The following UBAP1 variants were observed in gnomAD, a reference collection of about 807,000 sequenced individuals.
UBAP1 encodes ubiquitin-associated protein 1.
UBAP1 carries 5 observed loss-of-function variants against 39.0 expected under a neutral mutation model. That is an observed-to-expected ratio of 0.13 (90% CI 0.07 to 0.27). UBAP1 has a LOEUF of 0.27. Ranked by LOEUF, UBAP1 falls within the 10% of genes least tolerant of loss-of-function variation. UBAP1 has a pLI of 1.00. For missense variants in UBAP1, 490 were observed against 608.1 expected (o/e 0.81, Z 2.04); for synonymous variants, 211 against 225.1 (o/e 0.94, Z 0.56).
intron 1 of UBAP1, among the ~76,000 whole-genome samples, chr9:34,187,061 C>G (rs1304554657): frequency 3.9e-5 from 6 of 152,114 alleles, no homozygotes; most frequent in Non-Finnish European, 8.8e-5. Flanking sequence ...GTGCCTGCCA[C>G]CACGCCCAGC....
intron 1 of UBAP1, among the ~76,000 whole-genome samples, chr9:34,213,164 G>T (rs1832109618): frequency 6.6e-6 from 1 of 152,088 alleles, no homozygotes. Flanking sequence ...TTTATGATTA[G>T]AACTCTCAGC....
chr9:34,252,036 T>C lies in UBAP1; in HGVS notation c.*504T>C, dbSNP rs1834569397. On this transcript the variant is annotated 3_prime_UTR_variant, in exon 7 of 7. Transcript: ENST00000297661. ...TTCCCCTCCTAACAAAGTCTCATAGTGTTAACACTGGTTCTGCAATATCTC... is the reference window on the plus strand; with the variant it reads ...TTCCCCTCCTAACAAAGTCTCATAGCGTTAACACTGGTTCTGCAATATCTC... The C allele has an allele frequency of 6.5e-6, 1 of 153,852 alleles. No homozygotes were observed. The highest frequency in any genetic ancestry group is 2.0e-4 in the South Asian group (1 of 4,916). The allele number at this position is 153,852 out of a possible 1,614,324, so 9.5% of individuals were successfully genotyped here. A position where few individuals can be genotyped will look rare whatever the true frequency, so the allele number is the denominator to read the frequency against.
chr9:34,201,929 CTT>C (rs1444008858), intron 1 of UBAP1, among the ~76,000 whole-genome samples: 1 of 152,062 alleles, frequency 6.6e-6, no homozygotes, highest in African/African-American at 2.4e-5. Flanking sequence ...CAGAGAAACT[CTT>C]TTATGTTTAC....
chr9:34,245,909 C>A (rs1834153727), intron 4 of UBAP1, among the ~76,000 whole-genome samples: 1 of 151,146 alleles, frequency 6.6e-6, no homozygotes, highest in Non-Finnish European at 1.5e-5. Context: ...GTAATCCCAG[C>A]ATTTTGGGAG....
intron 4 of UBAP1, among the ~76,000 whole-genome samples, chr9:34,242,670 A>G (rs1051938097): frequency 6.6e-6 from 1 of 152,046 alleles, no homozygotes; most frequent in Non-Finnish European, 1.5e-5. Context: ...GACTACAGGC[A>G]TATGCCACCA....
intron 1 of UBAP1, among the ~76,000 whole-genome samples, chr9:34,196,046 G>A (rs1831035876): frequency 7.4e-6 from 1 of 135,452 alleles, no homozygotes; most frequent in African/African-American, 2.8e-5. Flanking sequence ...CTCCTGAGTA[G>A]CTGCAACTAC....
At chr9:34,184,285 ATGT>A (rs1425274235) in intron 1 of UBAP1, among the ~76,000 whole-genome samples, 1 of 151,912 alleles carries the variant, frequency 6.6e-6, no homozygotes, top group Non-Finnish European at 1.5e-5. Context: ...GACACTGGGT[ATGT>A]ACTAATGAGC....
At chr9:34,224,157 CT>C in intron 2 of UBAP1, 2 of 640,728 alleles carry the variant, frequency 3.1e-6, no homozygotes, top group African/African-American at 1.9e-5. Flanking sequence ...TTTTTTTTTC[CT>C]TTCATCGATT....
chr9:34,216,207 TA>T (rs547114882), intron 1 of UBAP1, among the ~76,000 whole-genome samples: 4 of 151,134 alleles, frequency 2.6e-5, no homozygotes, highest in East Asian at 1.9e-4. Context: ...TAATTTAATT[TA>T]AAAAAAAACT....
chr9:34,182,476 C>T (rs141055223), intron 1 of UBAP1, among the ~76,000 whole-genome samples: 8 of 151,832 alleles, frequency 5.3e-5, no homozygotes, highest in Non-Finnish European at 1.0e-4. Flanking sequence ...TGAGCCATGG[C>T]GCCCAGATGG....
chr9:34,241,151 G>A, intron 3 of UBAP1, 34 bp from the exon 4 acceptor site: 1 of 1,398,974 alleles, frequency 7.1e-7, no homozygotes, highest in Non-Finnish European at 9.3e-7. Flanking sequence ...GGCCACCTGG[G>A]TTCACACCCC....
intron 1 of UBAP1, among the ~76,000 whole-genome samples, chr9:34,205,529 G>A (rs1275058893): frequency 6.6e-6 from 1 of 152,070 alleles, no homozygotes; most frequent in African/African-American, 2.4e-5. Flanking sequence ...TGTACAATTA[G>A]CTATTAAATT....
chr9:34,203,969 C>T (rs1464243392), intron 1 of UBAP1, among the ~76,000 whole-genome samples: 2 of 152,174 alleles, frequency 1.3e-5, no homozygotes, highest in Non-Finnish European at 2.9e-5. Context: ...ATTATATTTG[C>T]AATTACTTAT....
chr9:34,197,602 T>C (rs1017441107), intron 1 of UBAP1, among the ~76,000 whole-genome samples: 1 of 152,176 alleles, frequency 6.6e-6, no homozygotes, highest in African/African-American at 2.4e-5. Flanking sequence ...TAGGCTGGAG[T>C]GCAGTGGCAC....
intron 1 of UBAP1, among the ~76,000 whole-genome samples, chr9:34,185,200 C>T (rs2131493719): frequency 6.6e-6 from 1 of 152,300 alleles, no homozygotes; most frequent in African/African-American, 2.4e-5. Context: ...TCCCAAAGTG[C>T]TGGGATTACA....
intron 1 of UBAP1, among the ~76,000 whole-genome samples, chr9:34,205,676 G>GA (rs1448171763): frequency 6.6e-6 from 1 of 152,098 alleles, no homozygotes. Flanking sequence ...ACCCATTTTG[G>GA]AATTAGCTGC....
chr9:34,250,891 A>G (rs1834466126), intron 6 of UBAP1, 132 bp downstream of exon 6: 2 of 760,632 alleles, frequency 2.6e-6, no homozygotes, highest in Non-Finnish European at 4.6e-6. Context: ...TTTGAAGGGC[A>G]GAATCTCCCA....
At chr9:34,183,966 C>T (rs575849588) in intron 1 of UBAP1, among the ~76,000 whole-genome samples, 6 of 151,950 alleles carry the variant, frequency 3.9e-5, no homozygotes, top group Non-Finnish European at 7.4e-5. Context: ...GACGGGGTTT[C>T]TCCATGTTGG....
chr9:34,209,778 AG>A (rs1187305175), intron 1 of UBAP1, among the ~76,000 whole-genome samples: 1 of 151,824 alleles, frequency 6.6e-6, no homozygotes, highest in African/African-American at 2.4e-5. Context: ...ATCCTCTTAT[AG>A]GTGCTTGTTG....
Sources: gnomAD v4.1 joint callset for allele counts (sites outside exome capture counted in the v4.1 genomes callset) on GRCh38, gnomAD v4.1.1 for gene constraint, MANE v1.5 for transcripts, NCBI Gene and HGNC (gene_info 2026-07-23, HGNC 2026-07-21) for gene names.